Variants in TWSG1 observed in about 807,000 individuals in gnomAD.
The protein encoded by TWSG1 is twisted gastrulation BMP signaling modulator 1.
Under a neutral mutation model 23.0 loss-of-function variants are expected in TWSG1, and 15 were observed. The observed-to-expected ratio is 0.65, with a 90% CI of 0.44 to 1.00. TWSG1 has a LOEUF of 1.00. TWSG1 is among the 50% of genes least tolerant of loss of function. The pLI is 0.00. For missense variants in TWSG1, 242 were observed against 278.7 expected (o/e 0.87, Z 0.94); for synonymous variants, 86 against 92.8 (o/e 0.93, Z 0.42).
At chr18:9,387,258 T>C (rs562609082) in intron 3 of TWSG1, among the ~76,000 whole-genome samples, 59 of 152,242 alleles carry the variant, frequency 3.9e-4, no homozygotes, top group Middle Eastern at 3.4e-3. Context: ...ATTCCAAGCA[T>C]AGAAATGCCA....
At chr18:9,386,163 CAA>C (rs879389343) in intron 3 of TWSG1, among the ~76,000 whole-genome samples, 1 of 128,890 alleles carries the variant, frequency 7.8e-6, no homozygotes, top group Non-Finnish European at 1.6e-5. Context: ...GAATCTGTCT[CAA>C]AAAAAAAAAA....
intron 3 of TWSG1, among the ~76,000 whole-genome samples, chr18:9,382,454 C>T (rs1037459204): frequency 1.3e-5 from 2 of 151,852 alleles, no homozygotes; most frequent in Non-Finnish European, 2.9e-5. Flanking sequence ...TCCCAGGAAG[C>T]GGAGGTTGCA....
At chr18:9,395,040 C>G (rs1268376557) in intron 3 of TWSG1, among the ~76,000 whole-genome samples, 1 of 152,176 alleles carries the variant, frequency 6.6e-6, no homozygotes, top group African/African-American at 2.4e-5. Flanking sequence ...GTCCTATCCA[C>G]GAACATGTGA....
Position 9,376,212 on chromosome 18 carries a change from C to T in TWSG1, c.223+16141C>T, listed in dbSNP as rs577332707. Among the ~76,000 whole-genome samples, 8 of 152,284 alleles carry T rather than the reference C, an allele frequency of 5.3e-5. No individual in the cohort carries two copies. In the South Asian group the frequency reaches 1.7e-3, roughly 32 times the overall value. On this transcript the variant is annotated intron_variant, in intron 3 of 4. Coordinates refer to ENST00000262120, the MANE Select transcript of TWSG1 (RefSeq NM_020648.6). ...GATTACAGGCGTAAGCCACCACACCCGGCCTTCATCTATAGATTTAATGCA... is the reference window on the plus strand; with the variant it reads ...GATTACAGGCGTAAGCCACCACACCTGGCCTTCATCTATAGATTTAATGCA...
At chr18:9,360,115 G>A (rs1339925157) in intron 3 of TWSG1, 44 bp downstream of exon 3, 3 of 1,517,360 alleles carry the variant, frequency 2.0e-6, no homozygotes, top group Non-Finnish European at 2.7e-6. Context: ...TCTTATCACA[G>A]AATCCTTGGC....
chr18:9,362,970 C>T (rs923148446), intron 3 of TWSG1, among the ~76,000 whole-genome samples: 1 of 152,190 alleles, frequency 6.6e-6, no homozygotes, highest in Non-Finnish European at 1.5e-5. Flanking sequence ...CAGCAATCCT[C>T]CTCCTTGTAG....
At chr18:9,397,074 A>G (rs890937008) in intron 4 of TWSG1, 1 of 151,494 alleles carries the variant, frequency 6.6e-6, no homozygotes, top group African/African-American at 2.5e-5. Flanking sequence ...AAAAAAAAAG[A>G]TAAAGAGGCA....
intron 2 of TWSG1, among the ~76,000 whole-genome samples, chr18:9,348,478 C>T (rs1391249206): frequency 6.6e-6 from 1 of 152,192 alleles, no homozygotes; most frequent in Non-Finnish European, 1.5e-5. Context: ...ATTGCCTGTG[C>T]ACAGTTTTCT....
chr18:9,348,113 G>T lies in TWSG1; in HGVS notation c.123+10761G>T, dbSNP rs191461021. Among the ~76,000 whole-genome samples, 230 of 152,332 alleles carry T rather than the reference G, an allele frequency of 1.5e-3. 2 individuals carry two copies. The highest frequency in any genetic ancestry group is 4.7e-3 in the African/African-American group (194 of 41,568). On this transcript the variant is annotated intron_variant, in intron 2 of 4. Transcript: ENST00000262120. ...GGACTTACAGCAGAGAACACTTGGG[G>T]ATAAGGAAGGCCTTGATGCTGGAAT...
intron 3 of TWSG1, among the ~76,000 whole-genome samples, chr18:9,372,994 T>C (rs1289210081): frequency 6.6e-6 from 1 of 151,412 alleles, no homozygotes; most frequent in Non-Finnish European, 1.5e-5. Flanking sequence ...GACCCTACTG[T>C]ATGTTACCTA....
intron 3 of TWSG1, among the ~76,000 whole-genome samples, 184 bp from the exon 4 acceptor site, chr18:9,396,096 T>C (rs2040733614): frequency 7.1e-6 from 1 of 140,650 alleles, no homozygotes; most frequent in South Asian, 2.2e-4. Flanking sequence ...GAGCGTTCAG[T>C]ATGCTTGAAG....
chr18:9,378,669 T>C (rs1471536574), intron 3 of TWSG1, among the ~76,000 whole-genome samples: 2 of 152,120 alleles, frequency 1.3e-5, no homozygotes, highest in South Asian at 2.1e-4. Flanking sequence ...GAAGAATCAA[T>C]ATCACTTAAA....
At chr18:9,349,357 A>T (rs2040491271) in intron 2 of TWSG1, among the ~76,000 whole-genome samples, 1 of 152,220 alleles carries the variant, frequency 6.6e-6, no homozygotes, top group Non-Finnish European at 1.5e-5. Context: ...GGATGACATA[A>T]ACATTGTATT....
chr18:9,337,069 A>C, intron 1 of TWSG1, 124 bp from the exon 2 acceptor site: 1 of 869,848 alleles, frequency 1.1e-6, no homozygotes, highest in Non-Finnish European at 1.7e-6. Flanking sequence ...GCAAGACTCT[A>C]AAAAAGAAAG....
chr18:9,370,896 A>G (rs893976221), intron 3 of TWSG1, among the ~76,000 whole-genome samples: 3 of 152,200 alleles, frequency 2.0e-5, no homozygotes, highest in Admixed American at 1.3e-4. Flanking sequence ...TTTTCTTCCA[A>G]AAAAAGCTAT....
At chr18:9,383,081 G>A (rs2040665602) in intron 3 of TWSG1, among the ~76,000 whole-genome samples, 2 of 151,988 alleles carry the variant, frequency 1.3e-5, no homozygotes, top group South Asian at 4.1e-4. Context: ...AGAGAGGTAG[G>A]TCAGGACCAG....
In TWSG1 at chr18:9,347,194, G is replaced by GTC. The variant is rs2040481298; in HGVS notation, c.123+9846_123+9847dup. ...GTTGTTTACTTTTTTTATTGTTGAG[G>GTC]TCTCTGTATGTATGTTTTGTATAGC... On this transcript the variant is annotated intron_variant, in intron 2 of 4. Transcript: ENST00000262120. Among the ~76,000 whole-genome samples, 5 of 152,168 alleles carry GTC rather than the reference G, an allele frequency of 3.3e-5. No individual in the cohort carries two copies. The South Asian group carries it at 1.0e-3, about 32-fold the overall frequency.
intron 2 of TWSG1, among the ~76,000 whole-genome samples, chr18:9,346,895 A>G (rs577422158): frequency 1.3e-5 from 2 of 152,340 alleles, no homozygotes; most frequent in African/African-American, 2.4e-5. Context: ...TAGTTTTGTA[A>G]GAAATTGCCA....
At chr18:9,356,758 G>A (rs2040528704) in intron 2 of TWSG1, among the ~76,000 whole-genome samples, 1 of 151,932 alleles carries the variant, frequency 6.6e-6, no homozygotes, top group Non-Finnish European at 1.5e-5. Context: ...TAGATTTTTG[G>A]ATACAGGATG....
Sources: allele counts gnomAD v4.1 joint callset (sites outside exome capture counted in the v4.1 genomes callset), GRCh38; gene constraint gnomAD v4.1.1; transcripts MANE v1.5; gene names NCBI Gene and HGNC (gene_info 2026-07-23, HGNC 2026-07-21).